Variants in ME3 observed in about 807,000 individuals in gnomAD.
The protein encoded by ME3 is malic enzyme 3.
In ME3, 48 loss-of-function variants were observed where a neutral mutation model predicts 68.9. That is an observed-to-expected ratio of 0.70 (90% CI 0.55 to 0.89). ME3 has a LOEUF of 0.89. Among genes scored for constraint, ME3 ranks in the 40% least tolerant of loss-of-function variants. The pLI, the probability that ME3 is intolerant of heterozygous loss-of-function variation, is 0.00. For synonymous variants in ME3, 320 were observed against 318.8 expected (o/e 1.00, Z -0.04); for missense variants, 675 against 797.4 (o/e 0.85, Z 1.85).
chr11:86,508,727 ACT>A, intron 5 of ME3, 63 bp downstream of exon 5: 2 of 1,436,684 alleles, frequency 1.4e-6, no homozygotes, highest in Admixed American at 3.4e-5. Context: ...GATGGAAATG[ACT>A]CTGGTTTAGG....
chr11:86,598,014 G>A (rs1414490075), intron 2 of ME3, among the ~76,000 whole-genome samples: 1 of 152,154 alleles, frequency 6.6e-6, no homozygotes, highest in Non-Finnish European at 1.5e-5. Context: ...CTCCCAGCAT[G>A]AGCCATGCAG....
chr11:86,537,845 G>A (rs1955785731), intron 4 of ME3, among the ~76,000 whole-genome samples: 1 of 152,148 alleles, frequency 6.6e-6, no homozygotes, highest in Non-Finnish European at 1.5e-5. Flanking sequence ...AAAATGTGGA[G>A]GCCATTAAAC....
intron 6 of ME3, among the ~76,000 whole-genome samples, chr11:86,489,864 T>G (rs1203708337): frequency 6.6e-6 from 1 of 152,158 alleles, no homozygotes; most frequent in African/African-American, 2.4e-5. Flanking sequence ...CTCACTCATC[T>G]ATTTCTCAAA....
chr11:86,471,263 G>C (rs903738292), intron 7 of ME3, among the ~76,000 whole-genome samples: 2 of 144,894 alleles, frequency 1.4e-5, no homozygotes, highest in Non-Finnish European at 3.0e-5. Context: ...AGTCTCCCAA[G>C]TAGCTGGAAC....
At chr11:86,460,590 G>T (rs1950182171) in intron 8 of ME3, among the ~76,000 whole-genome samples, 1 of 152,200 alleles carries the variant, frequency 6.6e-6, no homozygotes, top group African/African-American at 2.4e-5. Context: ...CCCTCCATGT[G>T]TGGTTCCCAA....
chr11:86,473,265 A>G (rs918570293), intron 7 of ME3, among the ~76,000 whole-genome samples: 2 of 152,256 alleles, frequency 1.3e-5, no homozygotes, highest in African/African-American at 4.8e-5. Context: ...CAACATGTCA[A>G]GTGAAACAGG....
chr11:86,659,960 G>T (rs1230333102), intron 2 of ME3, among the ~76,000 whole-genome samples: 1 of 151,938 alleles, frequency 6.6e-6, no homozygotes, highest in African/African-American at 2.4e-5. Context: ...CCAAAATGTT[G>T]GGACAAAATC....
At chr11:86,482,046 T>G (rs11234664) in intron 7 of ME3, among the ~76,000 whole-genome samples, 1 of 152,324 alleles carries the variant, frequency 6.6e-6, no homozygotes, top group East Asian at 1.9e-4. Context: ...GTTGAGCACT[T>G]TGACTTGCAG....
intron 7 of ME3, among the ~76,000 whole-genome samples, chr11:86,474,046 C>T (rs755146088): frequency 3.3e-5 from 5 of 152,164 alleles, no homozygotes; most frequent in Non-Finnish European, 7.3e-5. Context: ...AGTCCATGGT[C>T]ACCGGAGCTC....
chr11:86,592,728 T>C (rs893131342), intron 2 of ME3, among the ~76,000 whole-genome samples: 1 of 152,176 alleles, frequency 6.6e-6, no homozygotes, highest in African/African-American at 2.4e-5. Context: ...GATTTAGAGA[T>C]GTCAAGTTTT....
At chr11:86,669,965 A>G (rs1946817535) in intron 2 of ME3, among the ~76,000 whole-genome samples, 2 of 152,084 alleles carry the variant, frequency 1.3e-5, no homozygotes, top group African/African-American at 4.8e-5. Flanking sequence ...TTCTACATCC[A>G]TTCCTCCTCC....
chr11:86,659,918 TAA>T (rs988126209), intron 2 of ME3, among the ~76,000 whole-genome samples: 31 of 152,098 alleles, frequency 2.0e-4, no homozygotes, highest in African/African-American at 7.5e-4. Context: ...ATTTTTTTTT[TAA>T]GTTAGTTTTT....
At chr11:86,442,220 C>T (rs1353057730) in intron 14 of ME3, among the ~76,000 whole-genome samples, 2 of 152,144 alleles carry the variant, frequency 1.3e-5, no homozygotes, top group Non-Finnish European at 2.9e-5. Context: ...TCTGCACAGT[C>T]TTATAGTCTG....
chr11:86,661,875 T>C (rs895928701), intron 2 of ME3, among the ~76,000 whole-genome samples: 2 of 101,566 alleles, frequency 2.0e-5, no homozygotes, highest in Non-Finnish European at 4.3e-5. Flanking sequence ...TTGTATTGTA[T>C]TGTATTGTAT....
chr11:86,473,138 G>A (rs1207108729), intron 7 of ME3, among the ~76,000 whole-genome samples: 3 of 152,338 alleles, frequency 2.0e-5, no homozygotes, highest in East Asian at 1.9e-4. Context: ...CTGCATCCAC[G>A]GAGCAGAGAG....
chr11:86,648,134 T>C (rs1232379729), intron 2 of ME3, among the ~76,000 whole-genome samples: 14 of 152,198 alleles, frequency 9.2e-5, no homozygotes, highest in Admixed American at 8.5e-4. Flanking sequence ...ACATGGAAAC[T>C]GAGCAACGTA....
chr11:86,654,873 TA>T (rs1471984391), intron 2 of ME3, among the ~76,000 whole-genome samples: 6 of 152,162 alleles, frequency 3.9e-5, no homozygotes, highest in Non-Finnish European at 8.8e-5. Context: ...AAAATCTCCT[TA>T]AGCTGATAAG....
chr11:86,512,621 T>A (rs1953622951), intron 4 of ME3, among the ~76,000 whole-genome samples: 1 of 152,136 alleles, frequency 6.6e-6, no homozygotes, highest in African/African-American at 2.4e-5. Flanking sequence ...GTTCAAGGGA[T>A]CATGTGGGTT....
chr11:86,567,215 CAGAAAGAA>C (rs200604304), intron 2 of ME3, among the ~76,000 whole-genome samples: 8 of 105,782 alleles, frequency 7.6e-5, no homozygotes, highest in Non-Finnish European at 1.0e-4. Context: ...GAAACTCTGT[CAGAAAGAA>C]AGAAAGAAAG....
Sources: gnomAD v4.1 joint callset for allele counts (sites outside exome capture counted in the v4.1 genomes callset) on GRCh38, gnomAD v4.1.1 for gene constraint, MANE v1.5 for transcripts, NCBI Gene and HGNC (gene_info 2026-07-23, HGNC 2026-07-21) for gene names.